BTBD8: variants seen among roughly 807,000 people sequenced by gnomAD.
The protein encoded by BTBD8 is BTB/POZ domain-containing protein 8.
BTBD8 carries 110 observed loss-of-function variants against 162.9 expected under a neutral mutation model. That is an observed-to-expected ratio of 0.68 (90% CI 0.58 to 0.79). BTBD8 has a LOEUF of 0.79. BTBD8 is among the 30% of genes least tolerant of loss of function. BTBD8 has a pLI of 0.00. For missense variants in BTBD8, 1,905 were observed against 2,085.4 expected, an observed-to-expected ratio of 0.91 and a Z score of 1.68; for synonymous variants, 667 against 716.1, an observed-to-expected ratio of 0.93 and a Z score of 1.10.
chr1:92,153,152 G>A (rs1427069270), intron 9 of BTBD8, among the ~76,000 whole-genome samples: 1 of 151,666 alleles, frequency 6.6e-6, no homozygotes, highest in East Asian at 1.9e-4. Context: ...GTTCAAAATT[G>A]TTACATTTTT....
intron 13 of BTBD8, among the ~76,000 whole-genome samples, chr1:92,173,538 T>A (rs1242493846): frequency 6.6e-6 from 1 of 152,204 alleles, no homozygotes; most frequent in African/African-American, 2.4e-5. Flanking sequence ...CTTGCCTTAC[T>A]GCAGAATAGA....
intron 4 of BTBD8, chr1:92,125,404 T>C (rs1570732433): frequency 4.0e-6 from 1 of 251,322 alleles, no homozygotes; most frequent in Admixed American, 4.5e-5. Flanking sequence ...TCAAAGATTC[T>C]ATTGTGCAGT....
chr1:92,125,916 G>A (rs1649341528), intron 4 of BTBD8: 2 of 436,458 alleles, frequency 4.6e-6, no homozygotes, highest in Admixed American at 2.7e-5. Context: ...TGAAGAAGGA[G>A]GGAGCTTTGG....
intron 3 of BTBD8, among the ~76,000 whole-genome samples, chr1:92,107,295 T>C (rs1648759414): frequency 6.6e-6 from 1 of 152,182 alleles, no homozygotes; most frequent in Non-Finnish European, 1.5e-5. Context: ...ATACTACCTA[T>C]ATTTAAATAT....
intron 16 of BTBD8, among the ~76,000 whole-genome samples, chr1:92,179,434 T>G (rs550189511): frequency 3.3e-5 from 5 of 152,346 alleles, no homozygotes; most frequent in Admixed American, 3.3e-4. Flanking sequence ...ATTGCTTTTA[T>G]GTATCAAGCA....
intron 5 of BTBD8, among the ~76,000 whole-genome samples, chr1:92,133,529 A>T (rs781698085): frequency 6.6e-6 from 1 of 152,240 alleles, no homozygotes; most frequent in East Asian, 1.9e-4. Flanking sequence ...TTTTCCATCA[A>T]TAGATTCGAA....
rs141038067 is a variant in BTBD8 at position 92,102,503 on chromosome 1, A to C, written c.378A>C (p.Lys126Asn). 65 of 1,548,194 alleles carry C rather than the reference A, an allele frequency of 4.2e-5. No individual in the cohort carries two copies. The highest frequency in any genetic ancestry group is 5.3e-5 in the Non-Finnish European group (61 of 1,150,704). ...TATATTCATCAAACAGAAACATAAA[A>C]AACTATGAAGAGGAAATTCTTAGGA... is the stretch of plus-strand genomic sequence containing the variant. ...QIIYSSNRNIKNYEEEILRKK... is the reference protein window; with the variant it reads ...QIIYSSNRNINNYEEEILRKK... The change falls in exon 3 of 18, where the codon AAA becomes AAC. Residue 126 changes from lysine (K) to asparagine (N), a missense_variant. Lys to Asn is a moderately conservative substitution (Grantham distance 94). Transcript: ENST00000636805.
At chr1:92,132,664 C>A (rs578069561) in intron 5 of BTBD8, among the ~76,000 whole-genome samples, 6 of 152,148 alleles carry the variant, frequency 3.9e-5, no homozygotes, top group Non-Finnish European at 8.8e-5. Flanking sequence ...TAGTGCCAGG[C>A]ATGACCAGGC....
chr1:92,175,050 T>C (rs1218251760), intron 13 of BTBD8, among the ~76,000 whole-genome samples: 1 of 152,170 alleles, frequency 6.6e-6, no homozygotes, highest in African/African-American at 2.4e-5. Context: ...TTTTTGTTTG[T>C]TTGTTTTTTG....
intron 4 of BTBD8, among the ~76,000 whole-genome samples, chr1:92,118,799 C>CTTTCT (rs1553122677): frequency 4.3e-5 from 3 of 70,460 alleles, no homozygotes; most frequent in East Asian, 8.1e-4. Flanking sequence ...GCTTTTCTTT[C>CTTTCT]TTTCTTTTTT....
rs916650440 is a variant in BTBD8 at position 92,167,982 on chromosome 1, A to G, written c.1440A>G (p.Glu480=). 2 of 1,531,012 alleles carry G rather than the reference A, an allele frequency of 1.3e-6. No homozygotes were observed. Among genetic ancestry groups the G allele is most frequent in the African/African-American group, 1.4e-5 (1 of 72,352 alleles). 94.8% of individuals were successfully genotyped at this position (1,531,012 alleles called of 1,614,324 possible). Residue 480 remains glutamate (E), a synonymous_variant, in exon 11 of 18, where the codon GAA becomes GAG. Coordinates refer to ENST00000636805, the MANE Select transcript of BTBD8 (RefSeq NM_001376131.1). The stretch of plus-strand genomic sequence containing the variant: ...TGCTGAACTCTGACAGTACAAAGGA[A>G]ATGGTACTGAATGTAATGAAATTTA... ...DTLLNSDSTK[E]MGFTCKIQAL... is the part of the protein sequence containing the mutation.
chr1:92,084,379 G>A (rs1648099737), intron 1 of BTBD8, among the ~76,000 whole-genome samples: 1 of 152,098 alleles, frequency 6.6e-6, no homozygotes, highest in South Asian at 2.1e-4. Context: ...CGTGTGTTGC[G>A]AGCTAGGGAA....
Position 92,129,481 on chromosome 1 carries a change from G to T in BTBD8, c.663-206G>T, listed in dbSNP as rs2101928795. On this transcript the variant is annotated intron_variant, in intron 4 of 17. Transcript: ENST00000636805. Reference sequence around the variant, plus strand: ...AGCCAGGGTGACAGAGGAAGATCCTGTCTCTTAAAACAAAAAACAAAAAAA... The same window carrying T: ...AGCCAGGGTGACAGAGGAAGATCCTTTCTCTTAAAACAAAAAACAAAAAAA... Among the ~76,000 whole-genome samples, 2 of 151,294 alleles carry T rather than the reference G, an allele frequency of 1.3e-5. 1 individual carries two copies. Among genetic ancestry groups the T allele is most frequent in the South Asian group, 4.2e-4 (2 of 4,796 alleles).
In BTBD8 at chr1:92,176,817, T is replaced by C. The variant is rs1025920214; in HGVS notation, c.1636-12T>C. On this transcript the variant is annotated splice_polypyrimidine_tract_variant and intron_variant, in intron 13 of 17. Coordinates refer to ENST00000636805, the MANE Select transcript of BTBD8 (RefSeq NM_001376131.1). ...CAGTCAAATTACAAAGTATTTTTTT[T>C]CTTTTTTATAGCAAAGGAAACAAGT... The C allele has an allele frequency of 2.2e-5, 27 of 1,245,554 alleles. No homozygotes were observed. The highest frequency in any genetic ancestry group is 2.9e-5 in the Non-Finnish European group (27 of 935,596). The allele number at this position is 1,245,554 out of a possible 1,614,324, so 77.2% of individuals were successfully genotyped here. A position where few individuals can be genotyped will look rare whatever the true frequency, so the allele number is the denominator to read the frequency against.
intron 3 of BTBD8, among the ~76,000 whole-genome samples, chr1:92,103,658 C>T (rs1648654304): frequency 6.6e-6 from 1 of 152,166 alleles, no homozygotes; most frequent in East Asian, 1.9e-4. Context: ...TCCCATTCTC[C>T]TCTCTAGAGA....
chr1:92,180,397 TAC>T lies in BTBD8; in HGVS notation c.2720_2721del (p.Thr907SerfsTer4). The T allele has an allele frequency of 6.4e-7, 1 of 1,551,584 alleles. No individual in the cohort carries two copies. Among genetic ancestry groups the T allele is most frequent in the Non-Finnish European group, 8.7e-7 (1 of 1,146,948 alleles). On this transcript the variant is annotated frameshift_variant, in exon 17 of 18. Coordinates refer to ENST00000636805, the MANE Select transcript of BTBD8 (RefSeq NM_001376131.1). LOFTEE classifies it high-confidence loss of function. ...CCTAAGAGAAAAATGGTCAAGCAAG[TAC>T]ACACAGCTTTGCCTAAGGTTAATGC...
intron 2 of BTBD8, among the ~76,000 whole-genome samples, chr1:92,095,842 C>T (rs1648435406): frequency 6.6e-6 from 1 of 152,236 alleles, no homozygotes; most frequent in African/African-American, 2.4e-5. Flanking sequence ...TCAATAACTA[C>T]AGCCCCCCGT....
chr1:92,080,670 G>A lies in BTBD8; in HGVS notation c.99G>A (p.Arg33=). ...TGCAAAGGAAGGGGCCGTGTGAGCG[G>A]CGCCGGCTGAAGGCGACGGTGTCGG... The part of the protein sequence containing the change: ...KGLQRKGPCE[R]RRLKATVSEQ... The change falls in exon 1 of 18, where the codon CGG becomes CGA. Residue 33 remains arginine (R), a synonymous_variant. Transcript: ENST00000636805. The A allele has an allele frequency of 6.2e-7, 1 of 1,613,386 alleles. No individual in the cohort carries two copies. The highest frequency in any genetic ancestry group is 8.5e-7 in the Non-Finnish European group (1 of 1,179,728).
chr1:92,086,737 T>A (rs1648172053), intron 1 of BTBD8, among the ~76,000 whole-genome samples: 1 of 152,078 alleles, frequency 6.6e-6, no homozygotes, highest in Non-Finnish European at 1.5e-5. Context: ...CGAGTGGTAG[T>A]GTTATAAAAG....
Sources: allele counts gnomAD v4.1 joint callset (sites outside exome capture counted in the v4.1 genomes callset), GRCh38; gene constraint gnomAD v4.1.1; transcripts MANE v1.5; gene names NCBI Gene and HGNC (gene_info 2026-07-23, HGNC 2026-07-21).